The following KLHL7 variants were observed in gnomAD, a reference collection of about 807,000 sequenced individuals.
KLHL7 encodes the protein kelch like family member 7, also known as kelch-like protein 7.
In KLHL7, 44 loss-of-function variants were observed where a neutral mutation model predicts 67.4. That is an observed-to-expected ratio of 0.65 (90% CI 0.51 to 0.84). KLHL7 has a LOEUF of 0.84. KLHL7 is among the 40% of genes least tolerant of loss of function. The pLI is 0.00. For missense variants in KLHL7, 362 were observed against 718.1 expected, an observed-to-expected ratio of 0.50 and a Z score of 5.67; for synonymous variants, 252 against 243.3, an observed-to-expected ratio of 1.04 and a Z score of -0.33.
chr7:23,131,161 T>A (rs1783784287), intron 4 of KLHL7, among the ~76,000 whole-genome samples: 1 of 152,202 alleles, frequency 6.6e-6, no homozygotes, highest in African/African-American at 2.4e-5. Flanking sequence ...TGTGACGTGG[T>A]AGGAGAAGTG....
In KLHL7 at chr7:23,105,915, G is replaced by T. The variant is rs368529647; in HGVS notation, c.-112G>T. 6.7e-7 allele frequency: 1 copy of T among 1,485,606 alleles called. No homozygotes were observed. Among genetic ancestry groups the T allele is most frequent in the Admixed American group, 2.0e-5 (1 of 50,880 alleles). 92.0% of individuals were successfully genotyped at this position (1,485,606 alleles called of 1,614,324 possible). Reference sequence around the variant, plus strand: ...GCCGCGCGTTCCAGAGCTGGGCGCTGCAGCTGCACTGCCGATCGCCGTGTT... The same window carrying T: ...GCCGCGCGTTCCAGAGCTGGGCGCTTCAGCTGCACTGCCGATCGCCGTGTT... On this transcript the variant is annotated 5_prime_UTR_variant, in exon 1 of 11. Transcript: ENST00000339077.
At chr7:23,133,053 A>G (rs530269697) in intron 4 of KLHL7, among the ~76,000 whole-genome samples, 1 of 152,308 alleles carries the variant, frequency 6.6e-6, no homozygotes, top group Admixed American at 6.5e-5. Flanking sequence ...GCTCTGTAGT[A>G]TAATTTGAAG....
At chr7:23,138,765 T>G (rs1784077218) in intron 4 of KLHL7, among the ~76,000 whole-genome samples, 1 of 152,038 alleles carries the variant, frequency 6.6e-6, no homozygotes, top group African/African-American at 2.4e-5. Context: ...CTCAAACTCC[T>G]GACCTCAAGT....
At chr7:23,117,870 C>T (rs1783159704) in intron 1 of KLHL7, 2 of 1,613,574 alleles carry the variant, frequency 1.2e-6, no homozygotes, top group African/African-American at 1.3e-5. Flanking sequence ...GTTGAATCTA[C>T]AATCTGCTCA....
At chr7:23,155,549 A>C (rs1784676871) in intron 7 of KLHL7, among the ~76,000 whole-genome samples, 1 of 151,824 alleles carries the variant, frequency 6.6e-6, no homozygotes, top group Admixed American at 6.6e-5. Flanking sequence ...CTGTAATCCC[A>C]GCTACTGGGG....
chr7:23,131,651 A>G (rs1029858431), intron 4 of KLHL7, among the ~76,000 whole-genome samples: 2 of 151,568 alleles, frequency 1.3e-5, no homozygotes, highest in African/African-American at 4.8e-5. Context: ...ATCCAATTAC[A>G]CTCTAAGTTA....
At chr7:23,113,569 G>A (rs1285697595) in intron 1 of KLHL7, among the ~76,000 whole-genome samples, 2 of 152,276 alleles carry the variant, frequency 1.3e-5, no homozygotes, top group East Asian at 1.9e-4. Context: ...AGTGGCTTAC[G>A]CCTGTAATCC....
At chr7:23,168,251 C>G in intron 9 of KLHL7, 1 of 577,522 alleles carries the variant, frequency 1.7e-6, no homozygotes, top group Non-Finnish European at 3.1e-6. Flanking sequence ...ATGGGAACCT[C>G]TTTCTTTCTG....
intron 4 of KLHL7, chr7:23,140,513 C>A (rs1468593): frequency 2.7e-5 from 12 of 449,722 alleles, no homozygotes; most frequent in African/African-American, 2.4e-4. Context: ...GCCGAGATCG[C>A]GCCACTGCAC....
At chr7:23,148,280 C>G (rs1266808142) in intron 6 of KLHL7, among the ~76,000 whole-genome samples, 1 of 149,812 alleles carries the variant, frequency 6.7e-6, no homozygotes, top group Non-Finnish European at 1.5e-5. Flanking sequence ...GAAAACAAAA[C>G]TGAAAAAGAC....
chr7:23,125,156 TGC>T lies in KLHL7; in HGVS notation c.427_428del (p.Ala143PhefsTer17). 6.2e-7 allele frequency: 1 copy of T among 1,613,288 alleles called. No homozygotes were observed. Among genetic ancestry groups the T allele is most frequent in the Non-Finnish European group, 8.5e-7 (1 of 1,179,356 alleles). On this transcript the variant is annotated frameshift_variant, in exon 4 of 11. Transcript: ENST00000339077. LOFTEE classifies it high-confidence loss of function. ...CVDFLKEQVDASNCLGISVLA... is the reference protein window; with the variant it reads ...CVDFLKEQVDXSNCLGISVLA... ...TTGATTTTTTGAAAGAACAAGTTGATGCTTCAAATTGTCTTGGTAAGAAATAT... is the reference window on the plus strand; with the variant it reads ...TTGATTTTTTGAAAGAACAAGTTGATTTCAAATTGTCTTGGTAAGAAATAT...
intron 4 of KLHL7, among the ~76,000 whole-genome samples, chr7:23,137,480 CTG>C (rs1562568829): frequency 8.3e-5 from 12 of 144,360 alleles, no homozygotes; most frequent in African/African-American, 1.4e-4. Flanking sequence ...GTGACCAAAA[CTG>C]TCTTTTTTTT....
intron 4 of KLHL7, among the ~76,000 whole-genome samples, chr7:23,136,326 G>C (rs1275733003): frequency 6.6e-6 from 1 of 152,188 alleles, no homozygotes; most frequent in African/African-American, 2.4e-5. Context: ...CTAAGTGAGA[G>C]AGGTAAAGAG....
chr7:23,153,239 G>T (rs899479156), intron 7 of KLHL7, among the ~76,000 whole-genome samples: 5 of 151,780 alleles, frequency 3.3e-5, no homozygotes, highest in African/African-American at 9.7e-5. Context: ...GGGCTACAAC[G>T]CTTCTGCAGC....
At chr7:23,122,460 G>C (rs891121064) in intron 1 of KLHL7, among the ~76,000 whole-genome samples, 1 of 151,616 alleles carries the variant, frequency 6.6e-6, no homozygotes. Flanking sequence ...GTATTTTTTG[G>C]TATAGTATGT....
chr7:23,166,075 T>G (rs1301499002), intron 8 of KLHL7, 137 bp downstream of exon 8: 5 of 1,018,274 alleles, frequency 4.9e-6, no homozygotes, highest in Admixed American at 2.0e-5. Context: ...TGTCACATTT[T>G]AGAGCTCATC....
rs770079250 is a variant in KLHL7 at position 23,106,064 on chromosome 7, A to C, written c.38A>C (p.Lys13Thr). The C allele has an allele frequency of 6.2e-7, 1 of 1,609,842 alleles. No homozygotes were observed. The highest frequency in any genetic ancestry group is 1.7e-5 in the Admixed American group (1 of 59,286). ...ASGVEKSSKK[K>T]TEKKLAAREE... ...GGGGTGGAGAAGAGCAGCAAGAAGA[A>C]GACCGAGAAGAAACTTGCTGCTCGG... Residue 13 changes from lysine (K) to threonine (T), a missense_variant, in exon 1 of 11, where the codon AAG (lysine) becomes ACG (threonine). By Grantham distance (78) the Lys-to-Thr change is moderately conservative. Transcript: ENST00000339077.
intron 9 of KLHL7, 197 bp from the exon 10 acceptor site, chr7:23,172,749 CAT>C (rs1219487209): frequency 2.0e-6 from 1 of 512,386 alleles, no homozygotes. Flanking sequence ...GAATAAAATC[CAT>C]GTTTTCCCCG....
At chr7:23,162,913 C>A (rs1210421563) in intron 7 of KLHL7, among the ~76,000 whole-genome samples, 7 of 152,128 alleles carry the variant, frequency 4.6e-5, no homozygotes, top group African/African-American at 1.7e-4. Context: ...AAGACCCTGC[C>A]TTCCCTAATT....
Sources: gnomAD v4.1 joint callset for allele counts (sites outside exome capture counted in the v4.1 genomes callset) on GRCh38, gnomAD v4.1.1 for gene constraint, MANE v1.5 for transcripts, NCBI Gene and HGNC (gene_info 2026-07-23, HGNC 2026-07-21) for gene names.